Variants in NRXN1 observed in about 807,000 individuals in gnomAD.
The protein encoded by NRXN1 is neurexin 1.
In NRXN1, 39 loss-of-function variants were observed where a neutral mutation model predicts 150.9. That is an observed-to-expected ratio of 0.26 (90% CI 0.20 to 0.34). NRXN1 has a LOEUF of 0.34. Ranked by LOEUF, NRXN1 falls within the 10% of genes least tolerant of loss-of-function variation. The probability of loss-of-function intolerance (pLI) is 1.00; values close to 1 mark genes in which losing one functional copy is unlikely to be tolerated. For synonymous variants in NRXN1, 924 were observed against 757.0 expected (o/e 1.22, Z -3.62); for missense variants, 1,815 against 1,949.9 (o/e 0.93, Z 1.30).
chr2:50,754,260 C>T (rs1160728355), intron 5 of NRXN1, among the ~76,000 whole-genome samples: 3 of 151,806 alleles, frequency 2.0e-5, no homozygotes, highest in Non-Finnish European at 2.9e-5. Context: ...TTTTATATTA[C>T]ACTATGCTCC....
intron 21 of NRXN1, among the ~76,000 whole-genome samples, chr2:49,962,947 G>T (rs951750247): frequency 7.1e-6 from 1 of 140,044 alleles, no homozygotes; most frequent in Non-Finnish European, 1.5e-5. Context: ...TTGAGAGCCT[G>T]CCTCTAAATA....
In NRXN1 at chr2:50,745,032, G is replaced by C. The variant is rs192556236; in HGVS notation, c.833-121417C>G. Among the ~76,000 whole-genome samples the C allele has an allele frequency of 1.2e-4, 18 of 152,126 alleles. No individual in the cohort carries two copies. In the East Asian group the frequency reaches 3.3e-3, roughly 28 times the overall value. ...GCACATAGTCTCCAACTGAGCATGC[G>C]GCTGGAAGGCATGCACCATCATGGT... is the stretch of plus-strand genomic sequence containing the variant. On this transcript the variant is annotated intron_variant, in intron 5 of 22. Transcript: ENST00000401669.
intron 5 of NRXN1, among the ~76,000 whole-genome samples, chr2:50,785,198 T>TAC (rs1704909272): frequency 6.6e-6 from 1 of 151,022 alleles, no homozygotes; most frequent in Non-Finnish European, 1.5e-5. Context: ...ACCATGCTGG[T>TAC]ACCTCGATCG....
intron 2 of NRXN1, among the ~76,000 whole-genome samples, chr2:50,938,954 A>C (rs1688962967): frequency 6.6e-6 from 1 of 152,098 alleles, no homozygotes; most frequent in East Asian, 1.9e-4. Flanking sequence ...GCTCATGCCT[A>C]TAATCCCTGC....
At chr2:50,810,696 A>C (rs1668093074) in intron 5 of NRXN1, among the ~76,000 whole-genome samples, 1 of 152,126 alleles carries the variant, frequency 6.6e-6, no homozygotes, top group African/African-American at 2.4e-5. Context: ...AAGTGTTTGC[A>C]TCTTGTCCAG....
intron 21 of NRXN1, 55 bp downstream of exon 21, chr2:50,053,216 C>G: frequency 1.3e-6 from 2 of 1,574,468 alleles, no homozygotes; most frequent in African/African-American, 2.7e-5. Flanking sequence ...GCAGAAAAGC[C>G]CACTATCATA....
At chr2:50,320,320 A>T (rs1325258044) in intron 17 of NRXN1, among the ~76,000 whole-genome samples, 1 of 129,326 alleles carries the variant, frequency 7.7e-6, no homozygotes, top group African/African-American at 3.0e-5. Context: ...ATATATATAT[A>T]TATATATAGT....
intron 17 of NRXN1, among the ~76,000 whole-genome samples, chr2:50,361,637 C>A (rs2079199366): frequency 6.6e-6 from 1 of 151,904 alleles, no homozygotes; most frequent in South Asian, 2.1e-4. Flanking sequence ...AGCCCAGGAC[C>A]AGATGGATTC....
chr2:51,021,598 TATG>T (rs966259174), intron 2 of NRXN1, among the ~76,000 whole-genome samples: 1 of 151,944 alleles, frequency 6.6e-6, no homozygotes, highest in Non-Finnish European at 1.5e-5. Flanking sequence ...ATAACCTACT[TATG>T]ATAACTAAAA....
chr2:50,562,330 G>A (rs186183531), intron 8 of NRXN1, among the ~76,000 whole-genome samples: 1 of 43,496 alleles, frequency 2.3e-5, no homozygotes, highest in East Asian at 1.4e-3. Flanking sequence ...ATAGATATAC[G>A]ATAGATAGAT....
chr2:50,706,235 C>A (rs895301173), intron 5 of NRXN1, among the ~76,000 whole-genome samples: 4 of 152,180 alleles, frequency 2.6e-5, no homozygotes, highest in Non-Finnish European at 2.9e-5. Context: ...TGTAAGTGAA[C>A]TCTCAACAAA....
intron 2 of NRXN1, among the ~76,000 whole-genome samples, chr2:50,954,934 G>A (rs886303800): frequency 6.6e-6 from 1 of 152,070 alleles, no homozygotes; most frequent in African/African-American, 2.4e-5. Context: ...TTTGCTATAG[G>A]AGATAAACAG....
In NRXN1 at chr2:50,841,064, G is replaced by T. The variant is rs184160974; in HGVS notation, c.832+80805C>A. On this transcript the variant is annotated intron_variant, in intron 5 of 22. Transcript: ENST00000401669. ...AAAACAGTGATGTTCTACATACCAT[G>T]TTAATGTAGAAATAACTTCTATGCT... 6.1e-4 allele frequency: 93 copies of T among 152,692 alleles called. 1 individual carries two copies. The highest frequency in any genetic ancestry group is 4.7e-4 in the Non-Finnish European group (32 of 68,008). 9.5% of individuals were successfully genotyped at this position (152,692 alleles called of 1,614,324 possible). A position where few individuals can be genotyped will look rare whatever the true frequency, so the allele number is the denominator to read the frequency against.
At chr2:50,171,558 T>C (rs2060033424) in intron 18 of NRXN1, among the ~76,000 whole-genome samples, 1 of 152,104 alleles carries the variant, frequency 6.6e-6, no homozygotes, top group Non-Finnish European at 1.5e-5. Context: ...CTGATAGCAG[T>C]CATTAGCTGT....
chr2:50,474,272 T>C (rs952792006), intron 15 of NRXN1, among the ~76,000 whole-genome samples: 1 of 151,950 alleles, frequency 6.6e-6, no homozygotes, highest in Admixed American at 6.6e-5. Flanking sequence ...AAATTAGCTT[T>C]CTGTATTTAA....
chr2:50,530,169 G>C (rs1277689399), intron 11 of NRXN1, among the ~76,000 whole-genome samples: 10 of 151,834 alleles, frequency 6.6e-5, no homozygotes, highest in African/African-American at 2.4e-4. Flanking sequence ...CTCTTATTTT[G>C]AAATAATGAT....
At chr2:51,014,759 C>T (rs1355807698) in intron 2 of NRXN1, among the ~76,000 whole-genome samples, 1 of 151,946 alleles carries the variant, frequency 6.6e-6, no homozygotes, top group Non-Finnish European at 1.5e-5. Flanking sequence ...TTAATTTTCT[C>T]ACCTATCAAA....
chr2:50,606,176 G>A (rs1364567021), intron 8 of NRXN1, among the ~76,000 whole-genome samples: 1 of 150,176 alleles, frequency 6.7e-6, no homozygotes, highest in Non-Finnish European at 1.5e-5. Flanking sequence ...TTGAACCCGG[G>A]AGGTGGAGGG....
intron 17 of NRXN1, among the ~76,000 whole-genome samples, chr2:50,414,393 G>A (rs1037577155): frequency 6.6e-6 from 1 of 151,024 alleles, no homozygotes; most frequent in African/African-American, 2.4e-5. Context: ...CTTTTTTGGG[G>A]GAATATTTTT....
Sources: allele counts gnomAD v4.1 joint callset (sites outside exome capture counted in the v4.1 genomes callset), GRCh38; gene constraint gnomAD v4.1.1; transcripts MANE v1.5; gene names NCBI Gene and HGNC (gene_info 2026-07-23, HGNC 2026-07-21).